Variants in CACNA1G observed in about 807,000 individuals in gnomAD.
The protein encoded by CACNA1G is voltage-dependent T-type calcium channel subunit alpha-1G.
CACNA1G carries 67 observed loss-of-function variants against 219.4 expected under a neutral mutation model. That is an observed-to-expected ratio of 0.31 (90% CI 0.25 to 0.37). The LOEUF (loss-of-function observed/expected upper bound fraction) is 0.37. Among genes scored for constraint, CACNA1G ranks in the 10% least tolerant of loss-of-function variants. The pLI is 1.00. For missense variants in CACNA1G, 2,380 were observed against 3,231.4 expected (o/e 0.74, Z 6.39); for synonymous variants, 1,296 against 1,345.3 (o/e 0.96, Z 0.80).
At chr17:50,566,974 T>C (rs532860750) in intron 1 of CACNA1G, among the ~76,000 whole-genome samples, 1 of 152,268 alleles carries the variant, frequency 6.6e-6, no homozygotes, top group African/African-American at 2.4e-5. Context: ...TCACTGGGGC[T>C]CCTTCCAGAC....
rs1217717598 is a variant in CACNA1G, at chr17:50,617,400, C to T, written c.5022-38C>T. The T allele has an allele frequency of 1.3e-6, 2 of 1,586,218 alleles. No individual in the cohort carries two copies. Among genetic ancestry groups the T allele is most frequent in the South Asian group, 1.1e-5 (1 of 87,812 alleles). On this transcript the variant is annotated intron_variant, in intron 28 of 37. Coordinates refer to ENST00000359106, the MANE Select transcript of CACNA1G (RefSeq NM_018896.5). The surrounding 1 kb of genome is among the most constrained non-coding windows in gnomAD (Gnocchi z 5.8). ...GACTGCCCCCTCCTTCAGGAACCCC[C>T]TCCCCCAACTCAGGGAGCTGTATTC...
In CACNA1G at chr17:50,561,714, GCACGA is replaced by G. The variant is rs766575418; in HGVS notation, c.242+15_242+19del. On this transcript the variant is annotated intron_variant, in intron 1 of 37. Transcript: ENST00000359106. The stretch of plus-strand genomic sequence containing the variant: ...CGGTCTGTAACCCATATCCTTCGGG[GCACGA>G]CGGCCAGGCGCGGGGTCAGAAGGGG... 16 of 1,554,414 alleles carry G rather than the reference GCACGA, an allele frequency of 1.0e-5. No individual in the cohort carries two copies. The highest frequency in any genetic ancestry group is 1.3e-5 in the Non-Finnish European group (15 of 1,149,286).
rs150203652 is a variant in CACNA1G, at chr17:50,586,652, AGT to A, written c.2302-3816_2302-3815del. 5.5e-3 allele frequency among the ~76,000 whole-genome samples: 833 copies of A among 152,302 alleles called. 6 individuals carry two copies. Among genetic ancestry groups the A allele is most frequent in the Non-Finnish European group, 9.3e-3 (632 of 68,014 alleles). On this transcript the variant is annotated intron_variant, in intron 9 of 37. Transcript: ENST00000359106. ...TCTGTAGAGCAGCCTCCCAGGAGGT[AGT>A]GTTACCCTGTTTAACAGAAGAGGCC... is the stretch of plus-strand genomic sequence containing the variant.
intron 26 of CACNA1G, among the ~76,000 whole-genome samples, chr17:50,614,145 G>A (rs1236054349): frequency 6.6e-6 from 1 of 152,168 alleles, no homozygotes; most frequent in African/African-American, 2.4e-5. Flanking sequence ...TCGGGTGGGG[G>A]CCCACCCCAG....
chr17:50,625,101 C>T (rs1227485612), intron 37 of CACNA1G, among the ~76,000 whole-genome samples: 3 of 151,974 alleles, frequency 2.0e-5, no homozygotes, highest in Admixed American at 6.6e-5. Flanking sequence ...TACAGACATG[C>T]GCCACCATGC....
chr17:50,618,521 C>T lies in CACNA1G; in HGVS notation c.5428-134C>T, dbSNP rs2051049470. 1.9e-6 allele frequency: 2 copies of T among 1,054,282 alleles called. No homozygotes were observed. Among genetic ancestry groups the T allele is most frequent in the Admixed American group, 2.0e-5 (1 of 49,286 alleles). 65.3% of individuals were successfully genotyped at this position (1,054,282 alleles called of 1,614,324 possible). On this transcript the variant is annotated intron_variant, in intron 32 of 37. Coordinates refer to ENST00000359106, the MANE Select transcript of CACNA1G (RefSeq NM_018896.5). The surrounding 1 kb of genome is among the most constrained non-coding windows in gnomAD (Gnocchi z 5.3). ...TCTGACTCACACTTGTAGTGCTCCTCTGCCCCCAAACACTCCCTCCTCCTC... is the reference window on the plus strand; with the variant it reads ...TCTGACTCACACTTGTAGTGCTCCTTTGCCCCCAAACACTCCCTCCTCCTC...
chr17:50,595,997 A>G (rs1243722166), intron 14 of CACNA1G, among the ~76,000 whole-genome samples: 1 of 152,202 alleles, frequency 6.6e-6, no homozygotes, highest in Admixed American at 6.5e-5. Context: ...GGAGAGAGGT[A>G]AAAATGGGGC....
chr17:50,596,741 G>A lies in CACNA1G; in HGVS notation c.3076G>A (p.Gly1026Arg). Residue 1026 changes from glycine (G) to arginine (R), a missense_variant, in exon 16 of 38, where the codon GGA becomes AGA. Around this residue, in one of 17 missense-constraint regions of CACNA1G, gnomAD observed 418 missense variants for 434.3 expected, o/e 0.96. Transcript: ENST00000359106. This position sits in a 1 kb window ranked among gnomAD's most constrained non-coding sequence, Gnocchi z 4.8. Reference protein sequence around the residue: ...RKKCLALVSLGEHPELRKSLL... With the variant: ...RKKCLALVSLREHPELRKSLL... ...CTCTCCCCGTGCAGTGGTGTCCCTGGGAGAGCACCCGGAGCTGCGGAAGAG... is the reference window on the plus strand; with the variant it reads ...CTCTCCCCGTGCAGTGGTGTCCCTGAGAGAGCACCCGGAGCTGCGGAAGAG... The A allele has an allele frequency of 1.2e-6, 2 of 1,613,572 alleles. No individual in the cohort carries two copies. Among genetic ancestry groups the A allele is most frequent in the Non-Finnish European group, 8.5e-7 (1 of 1,179,812 alleles).
Position 50,576,218 on chromosome 17 carries a change from G to A in CACNA1G, c.1816G>A (p.Ala606Thr). The A allele has an allele frequency of 6.2e-7, 1 of 1,607,930 alleles. No homozygotes were observed. Among genetic ancestry groups the A allele is most frequent in the Admixed American group, 1.7e-5 (1 of 59,500 alleles). Reference protein sequence around the residue: ...SPPPETLKEKALVEVAASSGP... With the variant: ...SPPPETLKEKTLVEVAASSGP... The stretch of plus-strand genomic sequence containing the variant: ...TCCACCGGAGACGCTGAAGGAGAAG[G>A]CACTAGTAGAGGTGGCTGCCAGCTC... Residue 606 changes from alanine to threonine, a missense_variant, in exon 8 of 38, where the codon GCA becomes ACA. Coordinates refer to ENST00000359106, the MANE Select transcript of CACNA1G (RefSeq NM_018896.5).
intron 26 of CACNA1G, among the ~76,000 whole-genome samples, chr17:50,611,956 A>T (rs2049305520): frequency 1.3e-5 from 2 of 152,334 alleles, no homozygotes; most frequent in South Asian, 4.1e-4. Context: ...ACACGCAGGC[A>T]TGTACACCAG....
At chr17:50,610,665 T>C (rs2049006559) in intron 26 of CACNA1G, among the ~76,000 whole-genome samples, 1 of 152,036 alleles carries the variant, frequency 6.6e-6, no homozygotes, top group Non-Finnish European at 1.5e-5. Flanking sequence ...CTCATAACAC[T>C]ATGTCTCCAG....
intron 9 of CACNA1G, among the ~76,000 whole-genome samples, chr17:50,581,508 C>T (rs903118218): frequency 2.6e-5 from 4 of 152,280 alleles, no homozygotes; most frequent in African/African-American, 9.6e-5. Context: ...CTCCCACCAT[C>T]CCCTGGCTGA....
In CACNA1G at chr17:50,600,900, G is replaced by A. The variant is rs1744486565; in HGVS notation, c.3791+74G>A. On this transcript the variant is annotated intron_variant, in intron 18 of 37. Coordinates refer to ENST00000359106, the MANE Select transcript of CACNA1G (RefSeq NM_018896.5). This position sits in a 1 kb window ranked among gnomAD's most constrained non-coding sequence, Gnocchi z 4.1. The stretch of plus-strand genomic sequence containing the variant: ...ACGGGAAATTACCGCTGGTGATGCT[G>A]TCAGGGATTTGAGAAGTGGCACCCT... The A allele has an allele frequency of 6.4e-7, 1 of 1,569,420 alleles. No individual in the cohort carries two copies. Among genetic ancestry groups the A allele is most frequent in the East Asian group, 2.2e-5 (1 of 44,572 alleles).
intron 9 of CACNA1G, among the ~76,000 whole-genome samples, chr17:50,587,848 A>C (rs2043296274): frequency 6.6e-6 from 1 of 151,660 alleles, no homozygotes; most frequent in Admixed American, 6.6e-5. Context: ...CCTTCTCCAT[A>C]AGCCTCTCGG....
In CACNA1G at chr17:50,564,509, G is replaced by A. The variant is rs112424314; in HGVS notation, c.242+2808G>A. 4.5e-3 allele frequency among the ~76,000 whole-genome samples: 645 copies of A among 142,916 alleles called. 8 individuals carry two copies. Among genetic ancestry groups the A allele is most frequent in the African/African-American group, 0.016 (599 of 38,496 alleles). The allele number at this position is 142,916 out of a possible 152,430, so 93.8% of individuals were successfully genotyped here. A position where few individuals can be genotyped will look rare whatever the true frequency, so the allele number is the denominator to read the frequency against. ...GAGAGGGGAGCCTGCCAGGAGTCGG[G>A]GGAGGAGAGGGGGGGGAGGCCTGAA... On this transcript the variant is annotated intron_variant, in intron 1 of 37. Transcript: ENST00000359106.
chr17:50,569,517 C>A (rs1223838940), intron 3 of CACNA1G, among the ~76,000 whole-genome samples, 189 bp from the exon 4 acceptor site: 2 of 152,054 alleles, frequency 1.3e-5, no homozygotes, highest in African/African-American at 2.4e-5. Flanking sequence ...CTCTGATGGG[C>A]AATCTGTCCT....
At chr17:50,566,210 C>T (rs961847095) in intron 1 of CACNA1G, among the ~76,000 whole-genome samples, 20 of 152,134 alleles carry the variant, frequency 1.3e-4, no homozygotes, top group East Asian at 1.9e-4. Context: ...CACCTGGTGA[C>T]ACATCCTCCT....
Position 50,624,034 on chromosome 17 carries a change from C to T in CACNA1G, c.6188C>T (p.Pro2063Leu), listed in dbSNP as rs758365116. The stretch of plus-strand genomic sequence containing the variant: ...CGGCATGGGAGCACTGCCGAGGGGC[C>T]CCTGGGACACAGGGGCTGGGGGCTC... ...MCRHGSTAEG[P>L]LGHRGWGLPK... is the part of the protein sequence containing the mutation. Residue 2063 changes from proline (P) to leucine (L), a missense_variant, in exon 36 of 38, where the codon CCC becomes CTC. Pro to Leu is a moderately conservative substitution (Grantham distance 98, BLOSUM62 -3). Transcript: ENST00000359106. 6.2e-7 allele frequency: 1 copy of T among 1,612,874 alleles called. No individual in the cohort carries two copies. Among genetic ancestry groups the T allele is most frequent in the Non-Finnish European group, 8.5e-7 (1 of 1,179,770 alleles).
At position 50,580,402 on chromosome 17, in the gene CACNA1G, G is replaced by A. The variant is rs367805441; in HGVS notation, c.2301+1838G>A. 1.0e-3 allele frequency among the ~76,000 whole-genome samples: 159 copies of A among 151,810 alleles called. 3 individuals are homozygous for A. Among genetic ancestry groups the A allele is most frequent in the African/African-American group, 3.5e-3 (144 of 41,382 alleles). ...CCATGGTCAGGTGCCCCTCCCCCAG[G>A]GGGCACCTCCCCAGTGCCCCCTCCC... On this transcript the variant is annotated intron_variant, in intron 9 of 37. Transcript: ENST00000359106.
Sources: gnomAD v4.1 joint callset for allele counts (sites outside exome capture counted in the v4.1 genomes callset) on GRCh38, gnomAD v4.1.1 for gene constraint, gnomAD v4.1.1 regional missense constraint, Gnocchi (gnomAD v3.1) non-coding constraint, MANE v1.5 for transcripts, NCBI Gene and HGNC (gene_info 2026-07-23, HGNC 2026-07-21) for gene names.